Variants in AVEN observed in about 807,000 individuals in gnomAD.
AVEN encodes cell death regulator Aven.
In AVEN, 41 loss-of-function variants were observed where a neutral mutation model predicts 38.1. That is an observed-to-expected ratio of 1.08 (90% CI 0.84 to 1.40). The LOEUF is 1.40. Among genes scored for constraint, AVEN ranks in the 40% most tolerant of loss-of-function variants. AVEN has a pLI of 0.00. For synonymous variants in AVEN, 206 were observed against 171.8 expected (o/e 1.20, Z -1.56); for missense variants, 605 against 438.8 (o/e 1.38, Z -3.38).
At chr15:34,037,120 A>T (rs76418984) in intron 1 of AVEN, among the ~76,000 whole-genome samples, 72,221 of 150,734 alleles carry the variant, frequency 0.48, 20,649 homozygotes, top group Non-Finnish European at 0.64. Context: ...AAAAAAAAAA[A>T]AAAAATATAT....
At chr15:34,047,616 C>A (rs486845) in intron 5 of AVEN, among the ~76,000 whole-genome samples, 24 of 152,148 alleles carry the variant, frequency 1.6e-4, no homozygotes, top group Non-Finnish European at 3.4e-4. Flanking sequence ...ATGACTGTTA[C>A]CTCTGTGGTT....
rs544778869 is a variant in AVEN at position 34,013,101 on chromosome 15, G to A, written c.268-9892C>T. The stretch of plus-strand genomic sequence containing the variant: ...TTTTGAGACAGAGTCTCACTCTGTC[G>A]CCCCGGCTGGAGTGCAATGGCGCAA... On this transcript the variant is annotated intron_variant, in intron 1 of 5. Coordinates refer to ENST00000306730, the MANE Select transcript of AVEN (RefSeq NM_020371.3). Among the ~76,000 whole-genome samples the A allele has an allele frequency of 1.8e-3, 276 of 151,846 alleles. 1 individual carries two copies. Among genetic ancestry groups the A allele is most frequent in the African/African-American group, 5.1e-3 (211 of 41,472 alleles).
intron 3 of AVEN, among the ~76,000 whole-genome samples, chr15:33,871,580 G>A (rs77453361): frequency 6.6e-6 from 1 of 151,418 alleles, no homozygotes; most frequent in Non-Finnish European, 1.5e-5. Flanking sequence ...AAAAAAAAAA[G>A]ACTGTCCAGT....
chr15:34,029,869 T>C (rs1335544513), intron 1 of AVEN, among the ~76,000 whole-genome samples: 2 of 152,158 alleles, frequency 1.3e-5, no homozygotes, highest in African/African-American at 4.8e-5. Context: ...ATCAGCCTTG[T>C]AGTAAAAGGA....
At chr15:33,903,730 T>C (rs1303809063) in intron 2 of AVEN, among the ~76,000 whole-genome samples, 4 of 150,880 alleles carry the variant, frequency 2.7e-5, no homozygotes, top group Non-Finnish European at 4.4e-5. Flanking sequence ...TAAAAGAACA[T>C]ACTTGTTTAT....
chr15:34,056,207 G>A (rs1012369294), intron 5 of AVEN, among the ~76,000 whole-genome samples: 1 of 152,158 alleles, frequency 6.6e-6, no homozygotes, highest in Non-Finnish European at 1.5e-5. Flanking sequence ...TATAAGAAGA[G>A]CCTGAAAGCA....
intron 2 of AVEN, among the ~76,000 whole-genome samples, chr15:33,932,866 A>AAATAAATAAATAAAT (rs1567420182): frequency 3.7e-5 from 2 of 54,544 alleles, no homozygotes; most frequent in Non-Finnish European, 1.1e-4. Flanking sequence ...AATAAATAAA[A>AAATAAATAAATAAAT]ATTGTAGATC....
chr15:34,060,081 A>C (rs1417186875), intron 5 of AVEN, among the ~76,000 whole-genome samples: 1 of 152,216 alleles, frequency 6.6e-6, no homozygotes, highest in Non-Finnish European at 1.5e-5. Context: ...ATAATCTGTG[A>C]TGGCATTTGC....
intron 5 of AVEN, among the ~76,000 whole-genome samples, chr15:34,051,410 C>G (rs1283177495): frequency 6.6e-6 from 1 of 152,138 alleles, no homozygotes; most frequent in African/African-American, 2.4e-5. Flanking sequence ...AAGTTAAAAA[C>G]CTAACATCAC....
chr15:33,925,452 G>A (rs1011186608), intron 2 of AVEN, among the ~76,000 whole-genome samples: 4 of 152,170 alleles, frequency 2.6e-5, no homozygotes, highest in African/African-American at 7.2e-5. Context: ...GGGACAAATA[G>A]GGCCATTCCA....
intron 2 of AVEN, among the ~76,000 whole-genome samples, chr15:33,973,639 C>T (rs1475335852): frequency 1.3e-5 from 2 of 152,018 alleles, no homozygotes; most frequent in South Asian, 2.1e-4. Context: ...GCCAGGAGTT[C>T]GAGACCCACC....
intron 2 of AVEN, among the ~76,000 whole-genome samples, chr15:33,980,157 AC>A (rs1190279007): frequency 5.3e-5 from 8 of 152,226 alleles, no homozygotes; most frequent in African/African-American, 1.9e-4. Flanking sequence ...GGTACAAGGA[AC>A]CTAAACATGT....
chr15:33,944,740 C>T (rs764624033), intron 2 of AVEN, among the ~76,000 whole-genome samples: 4 of 151,504 alleles, frequency 2.6e-5, no homozygotes, highest in Non-Finnish European at 4.4e-5. Flanking sequence ...ACTCGGGAGG[C>T]GGAACTTGCA....
At chr15:33,901,884 GTTCTTAAA>G (rs1892510181) in intron 2 of AVEN, among the ~76,000 whole-genome samples, 1 of 5,852 alleles carries the variant, frequency 1.7e-4, no homozygotes, top group Non-Finnish European at 3.1e-3. Context: ...AGTTCTAACA[GTTCTTAAA>G]ATTTCTAAAA....
rs1567383672 is a variant in AVEN, at chr15:33,867,480, A to AAATG, written c.973+11_973+14dup. 1.9e-6 allele frequency: 3 copies of AAATG among 1,547,566 alleles called. No individual in the cohort carries two copies. Among genetic ancestry groups the AAATG allele is most frequent in the South Asian group, 2.6e-5 (2 of 78,092 alleles). ...CCAGAATCAAGATTCACGGGGAATAAAATGAAAGCCATACCTTCTTCCTCT... is the reference window on the plus strand; with the variant it reads ...CCAGAATCAAGATTCACGGGGAATAAAATGAATGAAAGCCATACCTTCTTCCTCT... On this transcript the variant is annotated intron_variant, in intron 5 of 5. Coordinates refer to ENST00000306730, the MANE Select transcript of AVEN (RefSeq NM_020371.3).
At chr15:33,860,930 ATGTATGG>A in intron 11 of AVEN, 6 of 563,914 alleles carry the variant, frequency 1.1e-5, no homozygotes, top group South Asian at 5.2e-5. Context: ...CTAATAGCCA[ATGTATGG>A]CACTACTGAG....
At chr15:33,966,934 T>C (rs1420032831) in intron 2 of AVEN, among the ~76,000 whole-genome samples, 1 of 152,018 alleles carries the variant, frequency 6.6e-6, no homozygotes, top group Non-Finnish European at 1.5e-5. Flanking sequence ...TTTGATAGAT[T>C]TTTACTTCTC....
At chr15:34,056,164 A>G (rs1900141120) in intron 5 of AVEN, among the ~76,000 whole-genome samples, 1 of 152,234 alleles carries the variant, frequency 6.6e-6, no homozygotes, top group African/African-American at 2.4e-5. Flanking sequence ...GAGGGCTAAA[A>G]TTAATAGTTT....
In AVEN at chr15:34,038,783, C is replaced by A. The variant is rs1235712405; in HGVS notation, c.264G>T (p.Ala88=). 1 of 1,177,258 alleles carries A rather than the reference C, an allele frequency of 8.5e-7. No individual in the cohort carries two copies. The highest frequency in any genetic ancestry group is 4.5e-5 in the Admixed American group (1 of 22,242). 72.9% of individuals were successfully genotyped at this position (1,177,258 alleles called of 1,614,324 possible). A position where few individuals can be genotyped will look rare whatever the true frequency, so the allele number is the denominator to read the frequency against. ...CCCACCAGCCGTCGCCTCTTACCGG[C>A]GCGCTGGCCCCTGCGCCCCAGCCTC... The part of the protein sequence containing the change: ...EPGGWGAGAS[A]PVEDDSDAET... Residue 88 remains alanine (A), a synonymous_variant, in exon 1 of 6, where the codon GCG becomes GCT. Transcript: ENST00000306730.
Sources: allele counts gnomAD v4.1 joint callset (sites outside exome capture counted in the v4.1 genomes callset), GRCh38; gene constraint gnomAD v4.1.1; transcripts MANE v1.5; gene names NCBI Gene and HGNC (gene_info 2026-07-23, HGNC 2026-07-21).